The following VPS51 variants were observed in gnomAD, a reference collection of about 807,000 sequenced individuals.
The protein encoded by VPS51 is VPS51 subunit of GARP complex, also known as vacuolar protein sorting-associated protein 51 homolog.
Under a neutral mutation model 65.1 loss-of-function variants are expected in VPS51, and 55 were observed. The observed-to-expected ratio is 0.84, with a 90% CI of 0.68 to 1.06. The LOEUF is 1.06. Ranked by LOEUF, VPS51 falls within the 50% of genes least tolerant of loss-of-function variation. The pLI is 0.00. For synonymous variants in VPS51, 473 were observed against 489.5 expected, an observed-to-expected ratio of 0.97 and a Z score of 0.44; for missense variants, 943 against 1,101.6, an observed-to-expected ratio of 0.86 and a Z score of 2.04.
rs776091207 is a variant in VPS51, at chr11:65,111,183, C to T, written c.2089-144C>T. Reference sequence around the variant, plus strand: ...CAGATGACGGCGCTAATATTGTATCCCTCCCTTCTTATCTGGCCCCGGAGA... The same window carrying T: ...CAGATGACGGCGCTAATATTGTATCTCTCCCTTCTTATCTGGCCCCGGAGA... On this transcript the variant is annotated intron_variant, in intron 9 of 9. Transcript: ENST00000279281. The T allele has an allele frequency of 9.0e-6, 11 of 1,224,632 alleles. 1 individual carries two copies. In the South Asian group the frequency reaches 1.4e-4, roughly 16 times the overall value. 75.9% of individuals were successfully genotyped at this position (1,224,632 alleles called of 1,614,324 possible).
chr11:65,104,894 T>C (rs1255957644), intron 2 of VPS51, among the ~76,000 whole-genome samples: 1 of 151,948 alleles, frequency 6.6e-6, no homozygotes, highest in Non-Finnish European at 1.5e-5. Context: ...GAAAGGGGAG[T>C]AGGACCTTTC....
Position 65,107,224 on chromosome 11 carries a change from C to T in VPS51, c.359-357C>T, listed in dbSNP as rs1211735415. On this transcript the variant is annotated intron_variant, in intron 2 of 9. Transcript: ENST00000279281. This position sits in a 1 kb window ranked among gnomAD's most constrained non-coding sequence, Gnocchi z 4.0. ...ACACGCAGATGCGCTTGGGAGCCAG[C>T]GGTCCCTGCCTTGGCTGCTTGTGGT... 6.0e-6 allele frequency: 3 copies of T among 498,874 alleles called. No individual in the cohort carries two copies. The highest frequency in any genetic ancestry group is 1.2e-5 in the Non-Finnish European group (3 of 255,790). 30.9% of individuals were successfully genotyped at this position (498,874 alleles called of 1,614,324 possible).
intron 1 of VPS51, 191 bp downstream of exon 1, chr11:65,096,669 T>A: frequency 1.6e-6 from 1 of 629,380 alleles, no homozygotes; most frequent in South Asian, 2.1e-5. Context: ...AGGACTGGAC[T>A]GGCCTGAGGT....
In VPS51 at chr11:65,109,335, C is replaced by G. The variant is rs1554993401; in HGVS notation, c.1499C>G (p.Ser500Cys). Reference protein sequence around the residue: ...REGLIVGFVHSMCQTAQSFCD... With the variant: ...REGLIVGFVHCMCQTAQSFCD... ...GGCCTCATCGTGGGCTTCGTCCACT[C>G]TATGTGCCAGACGGCTCAGAGCTTC... The change falls in exon 6 of 10, where the codon TCT becomes TGT. Residue 500 changes from serine to cysteine, a missense_variant. Coordinates refer to ENST00000279281, the MANE Select transcript of VPS51 (RefSeq NM_013265.4). 6.8e-6 allele frequency: 11 copies of G among 1,613,512 alleles called. No homozygotes were observed. The Admixed American group carries it at 8.3e-5, about 12-fold the overall frequency.
At chr11:65,096,960 G>A in intron 1 of VPS51, 38 bp from the exon 2 acceptor site, 1 of 1,609,932 alleles carries the variant, frequency 6.2e-7, no homozygotes, top group South Asian at 1.1e-5. Context: ...GGACATGAAT[G>A]CCTCCTGACC....
chr11:65,099,714 A>G (rs1237548149), intron 2 of VPS51, among the ~76,000 whole-genome samples: 1 of 152,014 alleles, frequency 6.6e-6, no homozygotes, highest in African/African-American at 2.4e-5. Flanking sequence ...GGTGGATCAC[A>G]TGAGCCCAGG....
In VPS51 at chr11:65,108,892, TCTC is replaced by T; in HGVS notation, c.1423_1425del (p.Ser475del). The T allele has an allele frequency of 6.2e-7, 1 of 1,613,004 alleles. No homozygotes were observed. Among genetic ancestry groups the T allele is most frequent in the Non-Finnish European group, 8.5e-7 (1 of 1,179,988 alleles). On this transcript the variant is annotated inframe_deletion, in exon 5 of 10. Transcript: ENST00000279281. ...CTTTTCACCGCCAAAGAGGTGTCCT[TCTC>T]CAACAAGCCCTACTTCCGGGTACGC...
In VPS51 at chr11:65,107,562, C is replaced by T; in HGVS notation, c.359-19C>T. ...TGCAGTCACCTGCTCTCCCCTTTTC[C>T]CCGCCCCTGCCCTCCTAGACACCAT... is the stretch of plus-strand genomic sequence containing the variant. On this transcript the variant is annotated intron_variant, in intron 2 of 9. Transcript: ENST00000279281. The surrounding 1 kb of genome is among the most constrained non-coding windows in gnomAD (Gnocchi z 4.0). 1 of 1,564,458 alleles carries T rather than the reference C, an allele frequency of 6.4e-7. No homozygotes were observed. The highest frequency in any genetic ancestry group is 8.7e-7 in the Non-Finnish European group (1 of 1,147,566).
At chr11:65,110,095 C>T in intron 7 of VPS51, 172 bp downstream of exon 7, 1 of 739,270 alleles carries the variant, frequency 1.4e-6, no homozygotes, top group Non-Finnish European at 2.2e-6. Flanking sequence ...GAGGGAACCC[C>T]AGGGGAACAA....
In VPS51 at chr11:65,109,888, C is replaced by T. The variant is rs201155694; in HGVS notation, c.1843C>T (p.Arg615Trp). 6.8e-6 allele frequency: 11 copies of T among 1,609,722 alleles called. No individual in the cohort carries two copies. Among genetic ancestry groups the T allele is most frequent in the Middle Eastern group, 1.7e-4 (1 of 5,902 alleles). Residue 615 changes from arginine to tryptophan, a missense_variant, in exon 7 of 10, where the codon CGG (arginine) becomes TGG (tryptophan). Physicochemically the swap from Arg to Trp is moderately radical, Grantham distance 101 (BLOSUM62 -3). Transcript: ENST00000279281. ...CCGGAATGTGCGGGCCGTCATGAAG[C>T]GGGTGGTGGAGGATACCACCGCCAT... ...EPRNVRAVMK[R>W]VVEDTTAIDV...
rs1228168893 is a variant in VPS51, at chr11:65,111,526, G to A, written c.2288G>A (p.Arg763His). ...GAAGTGGTGGCCTCTGCTGCCCTGC[G>A]CTGCCCAGACCCTGTGCCCATGGAG... is the stretch of plus-strand genomic sequence containing the variant. Reference protein sequence around the residue: ...LDEVVASAALRCPDPVPMEPS... With the variant: ...LDEVVASAALHCPDPVPMEPS... The change falls in exon 10 of 10, where the codon CGC (arginine) becomes CAC (histidine). Residue 763 changes from arginine (R) to histidine (H), a missense_variant. Arg to His is a conservative substitution (Grantham distance 29). This residue lies in a region of VPS51 where 88 missense variants were observed against 147.8 expected (regional missense o/e 0.60). Coordinates refer to ENST00000279281, the MANE Select transcript of VPS51 (RefSeq NM_013265.4). The A allele has an allele frequency of 1.2e-6, 2 of 1,612,928 alleles. No individual in the cohort carries two copies. Among genetic ancestry groups the A allele is most frequent in the East Asian group, 2.2e-5 (1 of 44,902 alleles).
chr11:65,111,251 G>C, intron 9 of VPS51, 76 bp from the exon 10 acceptor site: 1 of 1,590,032 alleles, frequency 6.3e-7, no homozygotes, highest in Non-Finnish European at 8.5e-7. Flanking sequence ...TGTCTCCCGG[G>C]CCCCTGCTTG....
At chr11:65,106,083 T>C (rs1426458922) in intron 2 of VPS51, among the ~76,000 whole-genome samples, 1 of 152,250 alleles carries the variant, frequency 6.6e-6, no homozygotes, top group African/African-American at 2.4e-5. Context: ...TTCTGTCTTA[T>C]CCTCTTCGCC....
rs571768862 is a variant in VPS51 at position 65,107,783 on chromosome 11, C to T, written c.506-20C>T. 23 of 1,598,696 alleles carry T rather than the reference C, an allele frequency of 1.4e-5. No homozygotes were observed. The highest frequency in any genetic ancestry group is 6.8e-5 in the Admixed American group (4 of 58,628). Reference sequence around the variant, plus strand: ...GCCTTTCCTGGGGCTCTGGGGCTAACGTCACCCTCCGTCCCCCAGGGGTCC... The same window carrying T: ...GCCTTTCCTGGGGCTCTGGGGCTAATGTCACCCTCCGTCCCCCAGGGGTCC... On this transcript the variant is annotated intron_variant, in intron 3 of 9. Transcript: ENST00000279281. This position sits in a 1 kb window ranked among gnomAD's most constrained non-coding sequence, Gnocchi z 4.0.
chr11:65,097,994 C>T (rs1947782352), intron 2 of VPS51, among the ~76,000 whole-genome samples: 1 of 152,048 alleles, frequency 6.6e-6, no homozygotes. Flanking sequence ...CCAGCCTGGC[C>T]AATATGGTGA....
At chr11:65,111,121 G>A in intron 9 of VPS51, 7 of 812,518 alleles carry the variant, frequency 8.6e-6, no homozygotes, top group Non-Finnish European at 1.4e-5. Context: ...GCTCAGGGAT[G>A]CCTCTGATTG....
rs1590808694 is a variant in VPS51, at chr11:65,096,513, G to A, written c.228+35G>A. 8 of 1,137,978 alleles carry A rather than the reference G, an allele frequency of 7.0e-6. No individual in the cohort carries two copies. In the East Asian group the frequency reaches 1.9e-4, roughly 28 times the overall value. The allele number at this position is 1,137,978 out of a possible 1,614,324, so 70.5% of individuals were successfully genotyped here. ...CACGGGGAGTGGGGGGGTGCGGGGAGGGGGGAAGGGAACCAGGCCCCTGCT... is the reference window on the plus strand; with the variant it reads ...CACGGGGAGTGGGGGGGTGCGGGGAAGGGGGAAGGGAACCAGGCCCCTGCT... On this transcript the variant is annotated intron_variant, in intron 1 of 9. Transcript: ENST00000279281.
chr11:65,107,635 G>A lies in VPS51; in HGVS notation c.413G>A (p.Arg138Gln). Residue 138 changes from arginine to glutamine, a missense_variant, in exon 3 of 10, where the codon CGG (arginine) becomes CAG (glutamine). Around this residue, in one of 2 missense-constraint regions of VPS51, gnomAD observed 855 missense variants for 953.7 expected, o/e 0.90. Coordinates refer to ENST00000279281, the MANE Select transcript of VPS51 (RefSeq NM_013265.4). This position sits in a 1 kb window ranked among gnomAD's most constrained non-coding sequence, Gnocchi z 4.0. ...CGGAAGATGGAGGATGAGATGGACC[G>A]GCTGGCCACCAACATGGCAGTGATC... The part of the protein sequence containing the change: ...DFRKMEDEMD[R>Q]LATNMAVITD... 1 of 1,605,052 alleles carries A rather than the reference G, an allele frequency of 6.2e-7. No homozygotes were observed. The highest frequency in any genetic ancestry group is 8.5e-7 in the Non-Finnish European group (1 of 1,172,702).
Position 65,109,383 on chromosome 11 carries a change from G to C in VPS51, c.1547G>C (p.Gly516Ala). ...QSFCDSPGEKGGATPPALLLL... is the reference protein window; with the variant it reads ...QSFCDSPGEKAGATPPALLLL... ...TTCTGCGACAGCCCTGGGGAGAAGG[G>C]GGGTGCCACACCACCTGCCCTGCTC... The change falls in exon 6 of 10, where the codon GGG (glycine) becomes GCG (alanine). Residue 516 changes from glycine (G) to alanine (A), a missense_variant. Gly to Ala is a moderately conservative substitution (Grantham distance 60). Transcript: ENST00000279281. 6.2e-7 allele frequency: 1 copy of C among 1,612,592 alleles called. No homozygotes were observed. The highest frequency in any genetic ancestry group is 8.5e-7 in the Non-Finnish European group (1 of 1,180,006).
Sources: allele counts gnomAD v4.1 joint callset (sites outside exome capture counted in the v4.1 genomes callset), GRCh38; gene constraint gnomAD v4.1.1; regional missense constraint gnomAD v4.1.1; non-coding constraint Gnocchi (gnomAD v3.1); transcripts MANE v1.5; gene names NCBI Gene and HGNC (gene_info 2026-07-23, HGNC 2026-07-21).